The following LSAMP variants were observed in gnomAD, a reference collection of about 807,000 sequenced individuals.
The protein encoded by LSAMP is limbic system-associated membrane protein.
In LSAMP, 7 loss-of-function variants were observed where a neutral mutation model predicts 38.6. The ratio of observed to expected loss-of-function variants is 0.18; its 90% CI spans 0.10 to 0.34. The LOEUF is 0.34. Ranked by LOEUF, LSAMP falls within the 10% of genes least tolerant of loss-of-function variation. The pLI, the probability that LSAMP is intolerant of heterozygous loss-of-function variation, is 1.00. For missense variants in LSAMP, 313 were observed against 420.0 expected, an observed-to-expected ratio of 0.75 and a Z score of 2.23; for synonymous variants, 154 against 166.8, an observed-to-expected ratio of 0.92 and a Z score of 0.59.
intron 3 of LSAMP, among the ~76,000 whole-genome samples, chr3:115,907,253 G>A (rs529512053): frequency 1.3e-5 from 2 of 151,998 alleles, no homozygotes; most frequent in Admixed American, 6.6e-5. Context: ...TTTGTGTCCC[G>A]CATAAAATTT....
At chr3:116,193,583 G>A (rs564834269) in intron 1 of LSAMP, among the ~76,000 whole-genome samples, 1 of 152,138 alleles carries the variant, frequency 6.6e-6, no homozygotes, top group Non-Finnish European at 1.5e-5. Context: ...AAAAAACAAC[G>A]CTTGCAGTAA....
intron 3 of LSAMP, among the ~76,000 whole-genome samples, chr3:116,007,002 G>T (rs1477273497): frequency 1.3e-5 from 2 of 152,106 alleles, no homozygotes; most frequent in African/African-American, 4.8e-5. Context: ...AAGAAAAAAA[G>T]ACTGATGTCA....
At chr3:115,874,958 TAATAAA>T (rs1230404759) in intron 3 of LSAMP, among the ~76,000 whole-genome samples, 2 of 152,134 alleles carry the variant, frequency 1.3e-5, no homozygotes, top group African/African-American at 4.8e-5. Flanking sequence ...CAGACACATT[TAATAAA>T]AATAGCTGTT....
intron 3 of LSAMP, among the ~76,000 whole-genome samples, chr3:115,886,537 C>T (rs1011438141): frequency 1.3e-5 from 2 of 152,004 alleles, no homozygotes; most frequent in Non-Finnish European, 2.9e-5. Context: ...ACTCTAAATT[C>T]TCCATGTTTT....
At chr3:116,046,248 C>T (rs1941285626) in intron 2 of LSAMP, among the ~76,000 whole-genome samples, 2 of 152,132 alleles carry the variant, frequency 1.3e-5, no homozygotes, top group Admixed American at 6.5e-5. Flanking sequence ...CTGTTCTTAA[C>T]TTGTTTACTG....
chr3:116,119,819 C>G (rs1226580215), intron 1 of LSAMP, among the ~76,000 whole-genome samples: 1 of 151,934 alleles, frequency 6.6e-6, no homozygotes, highest in Non-Finnish European at 1.5e-5. Flanking sequence ...TGCCACCACA[C>G]CCAGCTAATT....
At chr3:116,444,793 C>G in intron 1 of LSAMP, 84 bp downstream of exon 1, 4 of 1,453,750 alleles carry the variant, frequency 2.8e-6, no homozygotes, top group Non-Finnish European at 3.8e-6. Flanking sequence ...ATCAGACACA[C>G]ACACACACAC....
intron 1 of LSAMP, among the ~76,000 whole-genome samples, chr3:116,353,506 A>G (rs1448283485): frequency 1.3e-5 from 2 of 152,012 alleles, no homozygotes; most frequent in Admixed American, 1.3e-4. Context: ...CTGTCTTCCC[A>G]CCTAATTTGG....
chr3:116,232,922 A>G (rs1217300470), intron 1 of LSAMP, among the ~76,000 whole-genome samples: 1 of 151,796 alleles, frequency 6.6e-6, no homozygotes, highest in Non-Finnish European at 1.5e-5. Flanking sequence ...CCATTTTAGT[A>G]AGAAATTAGC....
intron 1 of LSAMP, among the ~76,000 whole-genome samples, chr3:116,406,743 A>G (rs979958262): frequency 1.3e-5 from 2 of 152,068 alleles, no homozygotes; most frequent in Non-Finnish European, 2.9e-5. Context: ...CATAATAACA[A>G]GTAAAAACTA....
intron 1 of LSAMP, among the ~76,000 whole-genome samples, chr3:116,372,505 AT>A (rs1367023975): frequency 6.6e-6 from 1 of 151,954 alleles, no homozygotes; most frequent in African/African-American, 2.4e-5. Context: ...GATGGCAATG[AT>A]TTCTTGGATA....
intron 1 of LSAMP, among the ~76,000 whole-genome samples, chr3:116,183,477 G>A (rs1436246488): frequency 6.6e-6 from 1 of 151,826 alleles, no homozygotes; most frequent in Non-Finnish European, 1.5e-5. Flanking sequence ...GTTAGTTAGA[G>A]CATATGGGCC....
At chr3:115,841,607 C>T (rs7635944) in intron 6 of LSAMP, 8,927 of 382,110 alleles carry the variant, frequency 0.023, 677 homozygotes, top group African/African-American at 0.16. Context: ...AAAACAAAAA[C>T]GAAGAAAAAC....
At chr3:115,943,732 GAACTTCCT>G (rs1373632843) in intron 3 of LSAMP, among the ~76,000 whole-genome samples, 2 of 152,182 alleles carry the variant, frequency 1.3e-5, no homozygotes, top group African/African-American at 4.8e-5. Flanking sequence ...TGGAGATTTA[GAACTTCCT>G]GCTCTTCATC....
At chr3:116,419,288 C>T (rs556473811) in intron 1 of LSAMP, among the ~76,000 whole-genome samples, 8 of 152,270 alleles carry the variant, frequency 5.3e-5, no homozygotes, top group South Asian at 2.1e-4. Flanking sequence ...CACATATTTT[C>T]GAAGCCTTCT....
intron 3 of LSAMP, among the ~76,000 whole-genome samples, chr3:115,929,088 G>A (rs527534911): frequency 6.7e-6 from 1 of 149,354 alleles, no homozygotes; most frequent in South Asian, 2.1e-4. Flanking sequence ...ACTAGATAGA[G>A]GGGTGTCCCT....
rs146607214 is a variant in LSAMP at position 116,010,196 on chromosome 3, C to T, written c.514+9319G>A. ...CCTCCCAAAGTGCTGGGATTACGGG[C>T]ATGAGCCACTGTACCCAGCCCAACA... On this transcript the variant is annotated intron_variant, in intron 3 of 6. Coordinates refer to ENST00000490035, the MANE Select transcript of LSAMP (RefSeq NM_002338.5). Among the ~76,000 whole-genome samples the T allele has an allele frequency of 7.6e-3, 1,164 of 152,284 alleles. 17 individuals are homozygous for T. Among genetic ancestry groups the T allele is most frequent in the African/African-American group, 0.027 (1,111 of 41,554 alleles).
intron 1 of LSAMP, among the ~76,000 whole-genome samples, chr3:116,419,568 G>A (rs995221837): frequency 3.3e-5 from 5 of 152,132 alleles, no homozygotes; most frequent in South Asian, 2.1e-4. Flanking sequence ...AAGATTCAGC[G>A]TACAAAGATA....
chr3:116,331,202 G>C (rs1175640303), intron 1 of LSAMP, among the ~76,000 whole-genome samples: 1 of 152,056 alleles, frequency 6.6e-6, no homozygotes, highest in Non-Finnish European at 1.5e-5. Flanking sequence ...AAACTATCAA[G>C]CCTGAGGAAT....
Sources: gnomAD v4.1 joint callset for allele counts (sites outside exome capture counted in the v4.1 genomes callset) on GRCh38, gnomAD v4.1.1 for gene constraint, MANE v1.5 for transcripts, NCBI Gene and HGNC (gene_info 2026-07-23, HGNC 2026-07-21) for gene names.